TNFRSF10B: variants seen among roughly 807,000 people sequenced by gnomAD.
The protein encoded by TNFRSF10B is tumor necrosis factor receptor superfamily member 10B.
TNFRSF10B carries 35 observed loss-of-function variants against 41.4 expected under a neutral mutation model. The observed-to-expected ratio is 0.85, with a 90% CI of 0.65 to 1.12. The LOEUF is 1.12. Among genes scored for constraint, TNFRSF10B ranks in the 50% most tolerant of loss-of-function variants. TNFRSF10B has a pLI of 0.00. For synonymous variants in TNFRSF10B, 230 were observed against 215.5 expected, an observed-to-expected ratio of 1.07 and a Z score of -0.59; for missense variants, 584 against 552.7, an observed-to-expected ratio of 1.06 and a Z score of -0.57.
chr8:23,047,196 A>G (rs1812389132), intron 1 of TNFRSF10B, among the ~76,000 whole-genome samples: 1 of 152,114 alleles, frequency 6.6e-6, no homozygotes, highest in South Asian at 2.1e-4. Flanking sequence ...CATCTCTACT[A>G]AAAATACAAA....
In TNFRSF10B at chr8:23,029,537, G is replaced by A. The variant is rs950238331; in HGVS notation, c.476+73C>T. The A allele has an allele frequency of 9.0e-6, 13 of 1,445,232 alleles. No homozygotes were observed. The African/African-American group carries it at 1.1e-4, about 12-fold the overall frequency. The allele number at this position is 1,445,232 out of a possible 1,614,324, so 89.5% of individuals were successfully genotyped here. On this transcript the variant is annotated intron_variant, in intron 4 of 8. Coordinates refer to ENST00000276431, the MANE Select transcript of TNFRSF10B (RefSeq NM_003842.5). ...CCCTTGCGGGTGCTGTCAGGGGAGAGACAGGGGTACAAGGAGACTTGGGTC... is the reference window on the plus strand; with the variant it reads ...CCCTTGCGGGTGCTGTCAGGGGAGAAACAGGGGTACAAGGAGACTTGGGTC...
intron 1 of TNFRSF10B, among the ~76,000 whole-genome samples, chr8:23,066,807 G>C (rs1338556142): frequency 1.3e-5 from 2 of 151,978 alleles, no homozygotes; most frequent in African/African-American, 4.8e-5. Flanking sequence ...TGAGGCAGGA[G>C]AATGGCGTGA....
Position 23,021,306 on chromosome 8 carries a change from C to T in TNFRSF10B, c.*1365G>A, listed in dbSNP as rs1300412538. ...TGAGATGAGTCAGATGCTTACAGAG[C>T]GGCCAAGGTCCTCAAGTAGGCAATC... On this transcript the variant is annotated 3_prime_UTR_variant, in exon 9 of 9. Transcript: ENST00000276431. 6 of 453,982 alleles carry T rather than the reference C, an allele frequency of 1.3e-5. No homozygotes were observed. The highest frequency in any genetic ancestry group is 6.0e-5 in the African/African-American group (3 of 49,998). 28.1% of individuals were successfully genotyped at this position (453,982 alleles called of 1,614,324 possible). A position where few individuals can be genotyped will look rare whatever the true frequency, so the allele number is the denominator to read the frequency against.
At chr8:23,040,462 T>C (rs1162575043) in intron 2 of TNFRSF10B, among the ~76,000 whole-genome samples, 1 of 88,846 alleles carries the variant, frequency 1.1e-5, no homozygotes, top group East Asian at 3.9e-4. Context: ...ATTAAATATA[T>C]ATACACAAAA....
intron 1 of TNFRSF10B, among the ~76,000 whole-genome samples, chr8:23,061,237 G>A (rs1455836907): frequency 6.6e-6 from 1 of 152,050 alleles, no homozygotes; most frequent in Admixed American, 6.5e-5. Flanking sequence ...CCTTTAAAAA[G>A]AATATAAATT....
intron 4 of TNFRSF10B, among the ~76,000 whole-genome samples, chr8:23,029,153 C>T (rs956278543): frequency 2.0e-5 from 3 of 152,174 alleles, no homozygotes; most frequent in South Asian, 2.1e-4. Flanking sequence ...CTCATGGGAA[C>T]TTGAAGGAGC....
Position 23,030,993 on chromosome 8 carries a change from C to A in TNFRSF10B, c.251-121G>T. 3 of 727,292 alleles carry A rather than the reference C, an allele frequency of 4.1e-6. No individual in the cohort carries two copies. In the East Asian group the frequency reaches 8.1e-5, roughly 20 times the overall value. The allele number at this position is 727,292 out of a possible 1,614,324, so 45.1% of individuals were successfully genotyped here. On this transcript the variant is annotated intron_variant, in intron 2 of 8. Coordinates refer to ENST00000276431, the MANE Select transcript of TNFRSF10B (RefSeq NM_003842.5). Reference sequence around the variant, plus strand: ...AACCAAAAGAGGGAAATCTCCTCTACCTAGCTTGGTCAGTTCATCAATTCT... The same window carrying A: ...AACCAAAAGAGGGAAATCTCCTCTAACTAGCTTGGTCAGTTCATCAATTCT...
In TNFRSF10B at chr8:23,068,662, A is replaced by G. The variant is rs1392807543; in HGVS notation, c.144+89T>C. 4 of 1,499,366 alleles carry G rather than the reference A, an allele frequency of 2.7e-6. No homozygotes were observed. In the African/African-American group the frequency reaches 5.6e-5, roughly 21 times the overall value. The allele number at this position is 1,499,366 out of a possible 1,614,324, so 92.9% of individuals were successfully genotyped here. A position where few individuals can be genotyped will look rare whatever the true frequency, so the allele number is the denominator to read the frequency against. On this transcript the variant is annotated intron_variant, in intron 1 of 8. Transcript: ENST00000276431. ...TGCCCGGCCGCAGGCGACCCGGGCC[A>G]CGCACCCCCGCCGTGTCCCCCTCTC... is the stretch of plus-strand genomic sequence containing the variant.
intron 4 of TNFRSF10B, 65 bp downstream of exon 4, chr8:23,029,545 T>G (rs1585208404): frequency 6.7e-7 from 1 of 1,485,772 alleles, no homozygotes. Flanking sequence ...GAGACAGGGG[T>G]ACAAGGAGAC....
chr8:23,025,314 A>AT (rs766670018), intron 7 of TNFRSF10B, among the ~76,000 whole-genome samples: 6 of 152,210 alleles, frequency 3.9e-5, no homozygotes, highest in Non-Finnish European at 8.8e-5. Flanking sequence ...TTGACTTGAA[A>AT]TATTATCTTC....
intron 1 of TNFRSF10B, among the ~76,000 whole-genome samples, chr8:23,061,129 C>T (rs1032480170): frequency 2.0e-5 from 3 of 152,108 alleles, no homozygotes; most frequent in African/African-American, 4.8e-5. Context: ...TAAAAAATCC[C>T]ACAAAATATA....
At chr8:23,031,926 T>TC (rs1811896971) in intron 2 of TNFRSF10B, among the ~76,000 whole-genome samples, 1 of 151,750 alleles carries the variant, frequency 6.6e-6, no homozygotes, top group African/African-American at 2.4e-5. Flanking sequence ...TTTTTTTTTT[T>TC]TTTGAGACGG....
intron 1 of TNFRSF10B, among the ~76,000 whole-genome samples, chr8:23,063,175 C>G (rs1350772397): frequency 6.6e-6 from 1 of 152,046 alleles, no homozygotes; most frequent in Non-Finnish European, 1.5e-5. Flanking sequence ...TGGTGAAACC[C>G]GGTCTCTACT....
intron 4 of TNFRSF10B, among the ~76,000 whole-genome samples, chr8:23,028,880 A>C (rs1211333141): frequency 6.6e-6 from 1 of 152,224 alleles, no homozygotes; most frequent in Admixed American, 6.5e-5. Flanking sequence ...CCTGGGCTGC[A>C]GGGGAGGCCT....
At chr8:23,061,696 G>T (rs1157469259) in intron 1 of TNFRSF10B, among the ~76,000 whole-genome samples, 1 of 152,154 alleles carries the variant, frequency 6.6e-6, no homozygotes, top group East Asian at 1.9e-4. Context: ...TTATGATGTT[G>T]TGGAAGTTTT....
intron 2 of TNFRSF10B, among the ~76,000 whole-genome samples, chr8:23,035,292 C>A (rs1811999563): frequency 6.6e-6 from 1 of 152,112 alleles, no homozygotes; most frequent in Non-Finnish European, 1.5e-5. Context: ...CCCATGTGTG[C>A]CACCACATCC....
chr8:23,028,374 TAA>T lies in TNFRSF10B; in HGVS notation c.703_704del (p.Leu235ThrfsTer21). The T allele has an allele frequency of 6.2e-7, 1 of 1,614,166 alleles. No homozygotes were observed. The highest frequency in any genetic ancestry group is 8.5e-7 in the Non-Finnish European group (1 of 1,180,022). On this transcript the variant is annotated frameshift_variant, in exon 5 of 9. Transcript: ENST00000276431. LOFTEE classifies it high-confidence loss of function. ...GGTAAGGAAGGACTTTCTTCCACAG[TAA>T]AGACTTGCAAACAAACACAGCCACA... is the stretch of plus-strand genomic sequence containing the variant. ...LIVAVFVCKS[L>X]LWKKVLPYLK...
At chr8:23,066,010 C>T (rs891981435) in intron 1 of TNFRSF10B, among the ~76,000 whole-genome samples, 7 of 152,124 alleles carry the variant, frequency 4.6e-5, no homozygotes, top group Non-Finnish European at 8.8e-5. Context: ...AGGTTGCGCA[C>T]GGTGGCTCAG....
chr8:23,068,663 C>G, intron 1 of TNFRSF10B, 88 bp downstream of exon 1: 2 of 1,500,380 alleles, frequency 1.3e-6, no homozygotes, highest in Non-Finnish European at 1.8e-6. Context: ...ACCCGGGCCA[C>G]GCACCCCCGC....
Sources: gnomAD v4.1 joint callset for allele counts (sites outside exome capture counted in the v4.1 genomes callset) on GRCh38, gnomAD v4.1.1 for gene constraint, MANE v1.5 for transcripts, NCBI Gene and HGNC (gene_info 2026-07-23, HGNC 2026-07-21) for gene names.